The following HDAC5 variants were observed in gnomAD, a reference collection of about 807,000 sequenced individuals.
The protein encoded by HDAC5 is antigen NY-CO-9.
In HDAC5, 25 loss-of-function variants were observed where a neutral mutation model predicts 133.3. The ratio of observed to expected loss-of-function variants is 0.19; its 90% CI spans 0.14 to 0.26. The LOEUF (loss-of-function observed/expected upper bound fraction) is 0.26. Ranked by LOEUF, HDAC5 falls within the 10% of genes least tolerant of loss-of-function variation. The pLI, the probability that HDAC5 is intolerant of heterozygous loss-of-function variation, is 1.00. For synonymous variants in HDAC5, 589 were observed against 610.8 expected, an observed-to-expected ratio of 0.96 and a Z score of 0.53; for missense variants, 1,041 against 1,460.5, an observed-to-expected ratio of 0.71 and a Z score of 4.68.
intron 23 of HDAC5, 43 bp from the exon 24 acceptor site, chr17:44,079,320 T>C: frequency 6.3e-7 from 1 of 1,594,688 alleles, no homozygotes; most frequent in Non-Finnish European, 8.6e-7. Flanking sequence ...TGGCGAAAGG[T>C]AATCAATCAA....
intron 3 of HDAC5, among the ~76,000 whole-genome samples, chr17:44,094,728 A>G (rs2931277): frequency 0.38 from 56,253 of 149,386 alleles, 13,080 homozygotes; most frequent in Middle Eastern, 0.58. Context: ...GTGTGTGTGT[A>G]TATATATGTG....
intron 3 of HDAC5, among the ~76,000 whole-genome samples, chr17:44,099,885 T>C (rs1004149452): frequency 6.6e-6 from 1 of 152,180 alleles, no homozygotes; most frequent in African/African-American, 2.4e-5. Flanking sequence ...GTGCACCACC[T>C]GAGTGACACT....
Position 44,086,554 on chromosome 17 carries a change from CAGTT to C in HDAC5, c.2050+14_2050+17del, listed in dbSNP as rs756881250. ...TCTGGTGCCTGGCAGAAGGACCTAA[CAGTT>C]GGTGGGGGCTCACCTGTGGTGAAGA... On this transcript the variant is annotated intron_variant, in intron 14 of 26. Coordinates refer to ENST00000682912, the MANE Select transcript of HDAC5 (RefSeq NM_005474.5). 54 of 1,296,690 alleles carry C rather than the reference CAGTT, an allele frequency of 4.2e-5. No homozygotes were observed. The highest frequency in any genetic ancestry group is 1.4e-4 in the South Asian group (4 of 28,800). 80.3% of individuals were successfully genotyped at this position (1,296,690 alleles called of 1,614,324 possible).
intron 3 of HDAC5, among the ~76,000 whole-genome samples, chr17:44,101,029 T>A (rs543991518): frequency 6.7e-6 from 1 of 149,040 alleles, no homozygotes; most frequent in African/African-American, 2.4e-5. Flanking sequence ...GACCTCATGA[T>A]CCGCCCGCCT....
intron 3 of HDAC5, among the ~76,000 whole-genome samples, chr17:44,106,229 T>C (rs1193189541): frequency 2.0e-5 from 3 of 152,244 alleles, no homozygotes; most frequent in Non-Finnish European, 4.4e-5. Context: ...GGAGGTTGTA[T>C]GGGGGCTGGT....
At position 44,085,116 on chromosome 17, in the gene HDAC5, A is replaced by G. The variant is rs138842131; in HGVS notation, c.2090T>C (p.Met697Thr). ...AGGGTGCACGTGTGTGTTCCCGCAC[A>G]TGCACTGGTGCTTTAGCATGAACGT... ...YDTFMLKHQC[M>T]CGNTHVHPEH... Residue 697 changes from methionine (M) to threonine (T), a missense_variant, in exon 15 of 27, where the codon ATG becomes ACG. Around this residue, in one of 9 missense-constraint regions of HDAC5, gnomAD observed 42 missense variants for 101.7 expected, o/e 0.41. Coordinates refer to ENST00000682912, the MANE Select transcript of HDAC5 (RefSeq NM_005474.5). 21 of 1,603,734 alleles carry G rather than the reference A, an allele frequency of 1.3e-5. No homozygotes were observed. The highest frequency in any genetic ancestry group is 5.0e-5 in the Admixed American group (3 of 59,852).
chr17:44,080,277 G>A (rs770080184), intron 22 of HDAC5, 52 bp from the exon 23 acceptor site: 6 of 1,564,854 alleles, frequency 3.8e-6, no homozygotes, highest in Admixed American at 3.3e-5. Flanking sequence ...GCCAGGCCTC[G>A]CCCCACTGTT....
rs1003225836 is a variant in HDAC5, at chr17:44,084,910, G to A, written c.2184+112C>T. On this transcript the variant is annotated intron_variant, in intron 15 of 26. Transcript: ENST00000682912. ...ACGGGGTGGTGGGAGAACTGGCCCC[G>A]AAGTCTGGGGCTGAAGAGAGGATGA... 5.4e-5 allele frequency: 76 copies of A among 1,414,712 alleles called. 1 individual carries two copies. The highest frequency in any genetic ancestry group is 7.3e-5 in the Non-Finnish European group (76 of 1,038,846). The allele number at this position is 1,414,712 out of a possible 1,614,324, so 87.6% of individuals were successfully genotyped here.
chr17:44,084,861 G>A (rs1249293631), intron 15 of HDAC5, among the ~76,000 whole-genome samples, 161 bp downstream of exon 15: 2 of 152,192 alleles, frequency 1.3e-5, no homozygotes, highest in Non-Finnish European at 2.9e-5. Context: ...GGACCATGGG[G>A]GAAAACAGGC....
intron 15 of HDAC5, 95 bp from the exon 16 acceptor site, chr17:44,084,770 C>A (rs2050569325): frequency 2.0e-6 from 3 of 1,475,598 alleles, no homozygotes; most frequent in African/African-American, 2.8e-5. Flanking sequence ...CACTTCCTGG[C>A]CTCAGGAGAT....
chr17:44,121,290 T>C (rs1159725948), intron 1 of HDAC5, among the ~76,000 whole-genome samples: 1 of 151,790 alleles, frequency 6.6e-6, no homozygotes, highest in East Asian at 1.9e-4. Context: ...TGAGGTGGGA[T>C]AGGGAAGAAG....
intron 23 of HDAC5, among the ~76,000 whole-genome samples, chr17:44,079,639 C>CAAAAAAAAA (rs773678478): frequency 1.4e-4 from 9 of 65,874 alleles, no homozygotes; most frequent in Admixed American, 4.0e-4. Flanking sequence ...GACTCCACCT[C>CAAAAAAAAA]AAAAAAAAAA....
intron 3 of HDAC5, among the ~76,000 whole-genome samples, chr17:44,103,705 T>G (rs1037251065): frequency 6.6e-6 from 1 of 151,656 alleles, no homozygotes; most frequent in Non-Finnish European, 1.5e-5. Context: ...CTCAGAATGG[T>G]TTTTTCTTTT....
At chr17:44,090,090 A>C (rs1258786802) in intron 11 of HDAC5, among the ~76,000 whole-genome samples, 1 of 151,744 alleles carries the variant, frequency 6.6e-6, no homozygotes, top group Non-Finnish European at 1.5e-5. Flanking sequence ...AAAATTAGCC[A>C]GGCGCGGTGG....
intron 2 of HDAC5, chr17:44,111,692 A>T (rs2052357969): frequency 1.9e-6 from 1 of 516,274 alleles, no homozygotes; most frequent in African/African-American, 1.9e-5. Context: ...CCTCCCACAG[A>T]GTTGAGAGGT....
Position 44,094,591 on chromosome 17 carries a change from C to T in HDAC5, c.95-757G>A, listed in dbSNP as rs1486346802. The stretch of plus-strand genomic sequence containing the variant: ...GGTGGAGGTTGCAGTGAGCCAAGAT[C>T]GCACCACTGCACTCCAGCCTGGGCG... On this transcript the variant is annotated intron_variant, in intron 3 of 26. Coordinates refer to ENST00000682912, the MANE Select transcript of HDAC5 (RefSeq NM_005474.5). Among the ~76,000 whole-genome samples, 5 of 151,814 alleles carry T rather than the reference C, an allele frequency of 3.3e-5. No homozygotes were observed. The East Asian group carries it at 7.7e-4, about 24-fold the overall frequency.
intron 11 of HDAC5, among the ~76,000 whole-genome samples, chr17:44,090,436 G>A (rs2050887694): frequency 6.6e-6 from 1 of 151,866 alleles, no homozygotes; most frequent in African/African-American, 2.4e-5. Flanking sequence ...GTGCAATGGA[G>A]CGATCTCGGC....
At chr17:44,092,357 C>A in intron 8 of HDAC5, 24 bp downstream of exon 8, 1 of 1,611,858 alleles carries the variant, frequency 6.2e-7, no homozygotes. Flanking sequence ...ACCCTCAGAA[C>A]AGGTACATGA....
Position 44,088,291 on chromosome 17 carries a change from G to A in HDAC5, c.1599+96C>T, listed in dbSNP as rs137940126. 1.5e-4 allele frequency: 218 copies of A among 1,476,868 alleles called. 3 individuals carry two copies. In the African/African-American group the frequency reaches 2.7e-3, roughly 19 times the overall value. 91.5% of individuals were successfully genotyped at this position (1,476,868 alleles called of 1,614,324 possible). On this transcript the variant is annotated intron_variant, in intron 12 of 26. Coordinates refer to ENST00000682912, the MANE Select transcript of HDAC5 (RefSeq NM_005474.5). Reference sequence around the variant, plus strand: ...GCCTCCCAATCAGGCGCGAGCCACCGTGTCTGGCCTGAAAGGAGGACTTTT... The same window carrying A: ...GCCTCCCAATCAGGCGCGAGCCACCATGTCTGGCCTGAAAGGAGGACTTTT...
Sources: allele counts gnomAD v4.1 joint callset (sites outside exome capture counted in the v4.1 genomes callset), GRCh38; gene constraint gnomAD v4.1.1; regional missense constraint gnomAD v4.1.1; transcripts MANE v1.5; gene names NCBI Gene and HGNC (gene_info 2026-07-23, HGNC 2026-07-21).